COQ8A: variants seen among roughly 807,000 people sequenced by gnomAD.
COQ8A encodes the protein coenzyme Q8A.
In COQ8A, 51 loss-of-function variants were observed where a neutral mutation model predicts 65.0. The ratio of observed to expected loss-of-function variants is 0.78; its 90% CI spans 0.63 to 0.99. COQ8A has a LOEUF of 0.99. Ranked by LOEUF, COQ8A falls within the 50% of genes least tolerant of loss-of-function variation. The pLI, the probability that COQ8A is intolerant of heterozygous loss-of-function variation, is 0.00. For synonymous variants in COQ8A, 371 were observed against 353.2 expected, an observed-to-expected ratio of 1.05 and a Z score of -0.57; for missense variants, 940 against 875.0, an observed-to-expected ratio of 1.07 and a Z score of -0.94.
intron 1 of COQ8A, among the ~76,000 whole-genome samples, chr1:226,940,969 T>G (rs1656653337): frequency 6.6e-6 from 1 of 152,228 alleles, no homozygotes; most frequent in Admixed American, 6.5e-5. Context: ...CCTTTCGCTT[T>G]TCTTTGGCCT....
In COQ8A at chr1:226,987,052, G is replaced by T. The variant is rs1660161562; in HGVS notation, c.*315G>T. ...TGATGTGAATGTTAAGCAGAAGGGA[G>T]AGAGTCCTTACTCCCTTCCAATCTC... On this transcript the variant is annotated 3_prime_UTR_variant, in exon 15 of 15. Coordinates refer to ENST00000366777, the MANE Select transcript of COQ8A (RefSeq NM_020247.5). 3.9e-5 allele frequency: 17 copies of T among 434,086 alleles called. 2 individuals are homozygous for T. Among genetic ancestry groups the T allele is most frequent in the South Asian group, 3.7e-4 (17 of 45,618 alleles). 26.9% of individuals were successfully genotyped at this position (434,086 alleles called of 1,614,324 possible).
chr1:226,981,342 G>T (rs1425736820), intron 5 of COQ8A, among the ~76,000 whole-genome samples: 2 of 152,218 alleles, frequency 1.3e-5, no homozygotes, highest in Non-Finnish European at 2.9e-5. Context: ...CTGCTCCTGA[G>T]TCGCGGCCCT....
intron 4 of COQ8A, among the ~76,000 whole-genome samples, chr1:226,968,017 A>G (rs1658665235): frequency 6.6e-6 from 1 of 152,144 alleles, no homozygotes; most frequent in Non-Finnish European, 1.5e-5. Context: ...ATGACCCTTT[A>G]GTAACTGTGA....
At chr1:226,953,201 C>T (rs1054938515) in intron 1 of COQ8A, among the ~76,000 whole-genome samples, 8 of 151,960 alleles carry the variant, frequency 5.3e-5, no homozygotes, top group Admixed American at 1.3e-4. Context: ...GGATAACTTT[C>T]GTATTTTTAG....
At chr1:226,984,835 G>A (rs367647712) in intron 12 of COQ8A, 41 bp from the exon 13 acceptor site, 190 of 1,607,330 alleles carry the variant, frequency 1.2e-4, no homozygotes, top group Non-Finnish European at 1.6e-4. Flanking sequence ...CCGCACCATG[G>A]AGCACCAGGG....
intron 5 of COQ8A, 26 bp downstream of exon 5, chr1:226,977,549 G>A: frequency 6.5e-7 from 1 of 1,548,592 alleles, no homozygotes; most frequent in East Asian, 2.4e-5. Flanking sequence ...CAGTGGGAGG[G>A]GCAGGGTGGG....
intron 1 of COQ8A, among the ~76,000 whole-genome samples, chr1:226,948,598 T>C (rs941408855): frequency 1.3e-5 from 2 of 151,858 alleles, no homozygotes; most frequent in Non-Finnish European, 2.9e-5. Flanking sequence ...ACCTCAACTT[T>C]AGGATCCTTA....
rs1374173670 is a variant in COQ8A at position 226,983,622 on chromosome 1, TG to T, written c.1152del (p.Met384IlefsTer11). 6.2e-7 allele frequency: 1 copy of T among 1,613,826 alleles called. No homozygotes were observed. Among genetic ancestry groups the T allele is most frequent in the African/African-American group, 1.3e-5 (1 of 74,932 alleles). On this transcript the variant is annotated frameshift_variant, in exon 9 of 15. Transcript: ENST00000366777. LOFTEE classifies it high-confidence loss of function. Reference protein sequence around the residue: ...NLMAVLNMSNMLPEGLFPEHL... With the variant: ...NLMAVLNMSNXLPEGLFPEHL... ...ATGGCCGTGTTGAACATGAGCAACA[TG>T]CTTCCAGAAGGTCTGAGGCTAGGTG...
intron 4 of COQ8A, among the ~76,000 whole-genome samples, chr1:226,976,498 C>T (rs1008658178): frequency 4.6e-5 from 7 of 152,096 alleles, no homozygotes; most frequent in Non-Finnish European, 8.8e-5. Flanking sequence ...GCTCATCGTG[C>T]GGCCGCTCTG....
At chr1:226,981,247 A>G (rs1221829442) in intron 5 of COQ8A, among the ~76,000 whole-genome samples, 1 of 152,198 alleles carries the variant, frequency 6.6e-6, no homozygotes, top group Admixed American at 6.5e-5. Flanking sequence ...CACTGAACTG[A>G]TGGCCCAGGA....
chr1:226,961,334 CAGAGGCCTGG>C, intron 1 of COQ8A, 33 bp from the exon 2 acceptor site: 1 of 1,608,298 alleles, frequency 6.2e-7, no homozygotes, highest in Admixed American at 1.7e-5. Context: ...GTTTGGCCTG[CAGAGGCCTGG>C]GGCCTCCCCT....
chr1:226,956,265 T>C (rs568928835), intron 1 of COQ8A, among the ~76,000 whole-genome samples: 4 of 69,996 alleles, frequency 5.7e-5, no homozygotes, highest in Admixed American at 1.4e-4. Context: ...CTCTCCCTGG[T>C]TCACACTCTC....
chr1:226,947,522 C>T (rs1317371666), intron 1 of COQ8A, among the ~76,000 whole-genome samples: 4 of 152,024 alleles, frequency 2.6e-5, no homozygotes, highest in African/African-American at 4.8e-5. Context: ...AATATAAAAC[C>T]GAGGCCAGGC....
At chr1:226,945,818 G>A (rs999895281) in intron 1 of COQ8A, among the ~76,000 whole-genome samples, 1 of 152,258 alleles carries the variant, frequency 6.6e-6, no homozygotes, top group African/African-American at 2.4e-5. Context: ...AGCAGTAGCA[G>A]TGACTGCGTC....
intron 1 of COQ8A, among the ~76,000 whole-genome samples, chr1:226,953,966 A>C (rs1245714514): frequency 6.6e-6 from 1 of 152,228 alleles, no homozygotes; most frequent in Non-Finnish European, 1.5e-5. Flanking sequence ...AAGAGTAAAA[A>C]AGGAAAAATT....
intron 1 of COQ8A, among the ~76,000 whole-genome samples, chr1:226,950,198 G>A (rs757329927): frequency 4.6e-5 from 7 of 152,094 alleles, no homozygotes; most frequent in African/African-American, 1.4e-4. Context: ...ATGCAGGTTC[G>A]CTCACAGTGT....
intron 1 of COQ8A, among the ~76,000 whole-genome samples, chr1:226,942,821 T>C (rs1192410802): frequency 6.6e-6 from 1 of 152,238 alleles, no homozygotes; most frequent in African/African-American, 2.4e-5. Context: ...GTCAGCCTGC[T>C]CACCAAAGAG....
intron 11 of COQ8A, 30 bp from the exon 12 acceptor site, chr1:226,984,518 C>T: frequency 2.5e-6 from 4 of 1,577,564 alleles, no homozygotes; most frequent in Non-Finnish European, 1.7e-6. Flanking sequence ...TGTGGTGCTG[C>T]CTGACACAGA....
intron 10 of COQ8A, 56 bp from the exon 11 acceptor site, chr1:226,984,034 TGGGG>T (rs201300405): frequency 2.3e-5 from 29 of 1,279,122 alleles, no homozygotes; most frequent in Admixed American, 4.3e-5. Context: ...GGGGTGTGTG[TGGGG>T]GGGGGGACGG....
Sources: allele counts gnomAD v4.1 joint callset (sites outside exome capture counted in the v4.1 genomes callset), GRCh38; gene constraint gnomAD v4.1.1; transcripts MANE v1.5; gene names NCBI Gene and HGNC (gene_info 2026-07-23, HGNC 2026-07-21).